PARD3: variants seen among roughly 807,000 people sequenced by gnomAD.
The protein encoded by PARD3 is partitioning defective 3 homolog.
In PARD3, 75 loss-of-function variants were observed where a neutral mutation model predicts 155.4. That is an observed-to-expected ratio of 0.48 (90% CI 0.40 to 0.58). PARD3 has a LOEUF of 0.58. Ranked by LOEUF, PARD3 falls within the 20% of genes least tolerant of loss-of-function variation. The pLI is 0.00. For synonymous variants in PARD3, 576 were observed against 610.5 expected, an observed-to-expected ratio of 0.94 and a Z score of 0.83; for missense variants, 1,642 against 1,721.7, an observed-to-expected ratio of 0.95 and a Z score of 0.82.
intron 9 of PARD3, 116 bp from the exon 10 acceptor site, chr10:34,378,222 A>AC: frequency 1.4e-6 from 1 of 728,022 alleles, no homozygotes; most frequent in Non-Finnish European, 2.2e-6. Context: ...ACAATGGTCC[A>AC]CATTTCTTCT....
intron 2 of PARD3, among the ~76,000 whole-genome samples, chr10:34,680,004 G>A (rs1458687141): frequency 1.3e-5 from 2 of 152,016 alleles, no homozygotes; most frequent in Non-Finnish European, 2.9e-5. Context: ...TTAGGTGATG[G>A]ATGCACTAAA....
intron 1 of PARD3, among the ~76,000 whole-genome samples, chr10:34,718,729 G>A (rs773844404): frequency 5.3e-5 from 8 of 152,178 alleles, no homozygotes; most frequent in Non-Finnish European, 1.2e-4. Flanking sequence ...TCGGGAGGCC[G>A]AGGTAGGCGG....
chr10:34,180,463 T>A (rs924131592), intron 22 of PARD3, among the ~76,000 whole-genome samples: 3 of 152,208 alleles, frequency 2.0e-5, no homozygotes, highest in African/African-American at 7.2e-5. Context: ...TGGTTCTAGG[T>A]AACTGCAGGA....
intron 20 of PARD3, among the ~76,000 whole-genome samples, chr10:34,285,562 G>T (rs924968982): frequency 6.6e-6 from 1 of 151,440 alleles, no homozygotes; most frequent in Non-Finnish European, 1.5e-5. Flanking sequence ...GGAAAAAGAG[G>T]GAGACCTTAT....
intron 1 of PARD3, among the ~76,000 whole-genome samples, chr10:34,777,409 T>C (rs893085455): frequency 3.3e-5 from 5 of 151,966 alleles, no homozygotes; most frequent in African/African-American, 9.7e-5. Context: ...TCCTCACATA[T>C]GTGTCTCCTA....
At chr10:34,761,645 T>C (rs11009923) in intron 1 of PARD3, among the ~76,000 whole-genome samples, 43,418 of 152,050 alleles carry the variant, frequency 0.29, 6,517 homozygotes, top group East Asian at 0.54. Flanking sequence ...GATTCAGCAT[T>C]CCTCCCTTGA....
chr10:34,312,013 T>A (rs1186422260), intron 20 of PARD3, among the ~76,000 whole-genome samples: 1 of 151,904 alleles, frequency 6.6e-6, no homozygotes, highest in African/African-American at 2.4e-5. Context: ...AAACTCTGAT[T>A]CTAATATCCA....
At chr10:34,112,325 A>G (rs1946427182) in intron 24 of PARD3, among the ~76,000 whole-genome samples, 1 of 152,260 alleles carries the variant, frequency 6.6e-6, no homozygotes, top group Non-Finnish European at 1.5e-5. Context: ...TCAGAGTCAC[A>G]TGGAAATTTC....
At chr10:34,145,751 AAAAC>A (rs1375929609) in intron 22 of PARD3, among the ~76,000 whole-genome samples, 3 of 152,194 alleles carry the variant, frequency 2.0e-5, no homozygotes, top group African/African-American at 7.2e-5. Flanking sequence ...GTTCTTAAAG[AAAAC>A]AAACAAACGT....
At position 34,576,724 on chromosome 10, in the gene PARD3, A is replaced by T. The variant is rs891395171; in HGVS notation, c.223-59565T>A. On this transcript the variant is annotated intron_variant, in intron 2 of 24. Coordinates refer to ENST00000374788, the MANE Select transcript of PARD3 (RefSeq NM_001184785.2). ...AGAAACAGTCTCCAACCCAAAGATAATCCTGTAAGCTGACCAGTGTCAAGA... is the reference window on the plus strand; with the variant it reads ...AGAAACAGTCTCCAACCCAAAGATATTCCTGTAAGCTGACCAGTGTCAAGA... 1.2e-4 allele frequency among the ~76,000 whole-genome samples: 18 copies of T among 152,298 alleles called. 1 individual carries two copies. Among genetic ancestry groups the T allele is most frequent in the Admixed American group, 9.8e-4 (15 of 15,294 alleles).
chr10:34,812,502 T>C (rs1480516801), intron 1 of PARD3, among the ~76,000 whole-genome samples: 1 of 152,190 alleles, frequency 6.6e-6, no homozygotes, highest in East Asian at 1.9e-4. Flanking sequence ...CCTCATCACT[T>C]AATATAGAAT....
intron 2 of PARD3, among the ~76,000 whole-genome samples, chr10:34,640,190 C>T (rs114734363): frequency 4.6e-5 from 7 of 152,314 alleles, no homozygotes; most frequent in African/African-American, 1.7e-4. Context: ...GCACAGCACA[C>T]CTGCCCCATC....
chr10:34,730,741 T>C (rs2094802467), intron 1 of PARD3, among the ~76,000 whole-genome samples: 1 of 152,148 alleles, frequency 6.6e-6, no homozygotes. Context: ...GAGCTATGAC[T>C]GCAACACTGC....
intron 2 of PARD3, among the ~76,000 whole-genome samples, chr10:34,601,951 C>A (rs965853728): frequency 6.6e-6 from 1 of 152,042 alleles, no homozygotes; most frequent in Non-Finnish European, 1.5e-5. Context: ...GAAACTCAGG[C>A]AAAATTATCT....
chr10:34,122,752 T>C (rs1947075356), intron 23 of PARD3, among the ~76,000 whole-genome samples: 1 of 152,202 alleles, frequency 6.6e-6, no homozygotes, highest in Non-Finnish European at 1.5e-5. Flanking sequence ...ACACTTGACC[T>C]GAATAAAAAT....
chr10:34,302,044 T>A (rs1160692187), intron 20 of PARD3, among the ~76,000 whole-genome samples: 2 of 152,108 alleles, frequency 1.3e-5, no homozygotes, highest in Admixed American at 1.3e-4. Flanking sequence ...CTGTAAACTT[T>A]ATCAAGCTAT....
intron 2 of PARD3, among the ~76,000 whole-genome samples, chr10:34,669,372 C>T (rs547640408): frequency 2.6e-5 from 4 of 152,264 alleles, no homozygotes; most frequent in African/African-American, 4.8e-5. Context: ...AAATACCACA[C>T]GTTCTCACTT....
At position 34,331,174 on chromosome 10, in the gene PARD3, T is replaced by C. The variant is rs749610710; in HGVS notation, c.2776A>G (p.Ile926Val). The change falls in exon 19 of 25, where the codon ATC (isoleucine) becomes GTC (valine). Residue 926 changes from isoleucine to valine, a missense_variant. Coordinates refer to ENST00000374788, the MANE Select transcript of PARD3 (RefSeq NM_001184785.2). ...RGCNESFRAA[I>V]DKSYDKPAVD... ...GCGGGTTTATCATAAGATTTGTCGA[T>C]GGCAGCTCTGAAGCTCTCATTGCAT... The C allele has an allele frequency of 7.4e-6, 12 of 1,614,094 alleles. No homozygotes were observed. Among genetic ancestry groups the C allele is most frequent in the South Asian group, 1.1e-5 (1 of 91,082 alleles).
chr10:34,316,266 TATTTA>T (rs1195863879), intron 20 of PARD3, among the ~76,000 whole-genome samples: 42 of 152,252 alleles, frequency 2.8e-4, no homozygotes, highest in African/African-American at 9.2e-4. Flanking sequence ...GCAATCTTTA[TATTTA>T]ACATTAAGTG....
Sources: allele counts gnomAD v4.1 joint callset (sites outside exome capture counted in the v4.1 genomes callset), GRCh38; gene constraint gnomAD v4.1.1; transcripts MANE v1.5; gene names NCBI Gene and HGNC (gene_info 2026-07-23, HGNC 2026-07-21).